SLC28A3: variants seen among roughly 807,000 people sequenced by gnomAD.
The protein encoded by SLC28A3 is solute carrier family 28 member 3, also known as concentrative Na(+)-nucleoside cotransporter 3.
In SLC28A3, 68 loss-of-function variants were observed where a neutral mutation model predicts 84.2. That is an observed-to-expected ratio of 0.81 (90% confidence interval 0.66 to 0.99). The LOEUF (loss-of-function observed/expected upper bound fraction) is 0.99, where lower values mean the gene tolerates loss of function less well. Ranked by LOEUF, SLC28A3 falls within the 50% of genes least tolerant of loss-of-function variation. The pLI is 0.00. For missense variants in SLC28A3, 712 were observed against 841.5 expected, an observed-to-expected ratio of 0.85 and a Z score of 1.90; for synonymous variants, 267 against 303.6, an observed-to-expected ratio of 0.88 and a Z score of 1.25.
chr9:84,294,545 C>T (rs1279823895), intron 8 of SLC28A3, among the ~76,000 whole-genome samples: 1 of 152,182 alleles, frequency 6.6e-6, no homozygotes, highest in East Asian at 1.9e-4. Flanking sequence ...ATACCTAGAT[C>T]AATACACTGA....
rs369978391 is a variant in SLC28A3, at chr9:84,278,840, A to C, written c.1949+425T>G. On this transcript the variant is annotated intron_variant, in intron 17 of 17. Transcript: ENST00000376238. ...CTTGTACTTGTGCTAATTTTGCTGG[A>C]GTAGACATAGCTTCCCTAAGCCTTA... is the stretch of plus-strand genomic sequence containing the variant. Among the ~76,000 whole-genome samples the C allele has an allele frequency of 6.9e-4, 105 of 151,276 alleles. 1 individual carries two copies. The highest frequency in any genetic ancestry group is 2.4e-3 in the African/African-American group (98 of 41,196).
At position 84,302,245 on chromosome 9, in the gene SLC28A3, G is replaced by C. The variant is rs138852988; in HGVS notation, c.479C>G (p.Ser160Cys). 1.1e-5 allele frequency: 17 copies of C among 1,614,136 alleles called. No individual in the cohort carries two copies. Among genetic ancestry groups the C allele is most frequent in the Non-Finnish European group, 1.4e-5 (17 of 1,180,022 alleles). The change falls in exon 5 of 18, where the codon TCT (serine) becomes TGT (cysteine). Residue 160 changes from serine (S) to cysteine (C), a missense_variant. Transcript: ENST00000376238. The part of the protein sequence containing the change: ...KYEHRIDEML[S>C]PGRRLLNSHW... Reference sequence around the variant, plus strand: ...GCTGTTTAGAAGCCTTCTGCCAGGAGACAGCATCTCATCAATTCGATGTTC... The same window carrying C: ...GCTGTTTAGAAGCCTTCTGCCAGGACACAGCATCTCATCAATTCGATGTTC...
chr9:84,302,436 A>C, intron 4 of SLC28A3, 47 bp from the exon 5 acceptor site: 3 of 1,579,740 alleles, frequency 1.9e-6, no homozygotes, highest in Non-Finnish European at 2.6e-6. Context: ...AACCACTGGG[A>C]CACGCCTCCA....
At chr9:84,322,706 A>G (rs1826418067) in intron 1 of SLC28A3, among the ~76,000 whole-genome samples, 1 of 152,090 alleles carries the variant, frequency 6.6e-6, no homozygotes, top group African/African-American at 2.4e-5. Context: ...TTAGCCCAGC[A>G]TGGTGTTGCA....
At position 84,340,656 on chromosome 9, in the gene SLC28A3, T is replaced by G; in HGVS notation, c.-23A>C. On this transcript the variant is annotated 5_prime_UTR_variant, in exon 1 of 18. Transcript: ENST00000376238. ...CATGCTCTTTTTGCTGCTGGCTGGC[T>G]CTGGTCTGGAGGTCCTTTGTACCTG... 1 of 1,614,102 alleles carries G rather than the reference T, an allele frequency of 6.2e-7. No homozygotes were observed. Among genetic ancestry groups the G allele is most frequent in the South Asian group, 1.1e-5 (1 of 91,070 alleles).
At chr9:84,359,166 T>C in the SLC28A3 span, among the ~76,000 whole-genome samples, 2 of 152,174 alleles carry the variant, frequency 1.3e-5, no homozygotes, top group Non-Finnish European at 2.9e-5. Context: ...CTAGGCATTG[T>C]TGCTCCAAGA....
rs188471138 is a variant in SLC28A3 at position 84,332,733 on chromosome 9, A to G, written c.60+7841T>C. 1.0e-3 allele frequency among the ~76,000 whole-genome samples: 154 copies of G among 152,344 alleles called. No homozygotes were observed. The East Asian group carries it at 0.027, about 27-fold the overall frequency. On this transcript the variant is annotated intron_variant, in intron 1 of 17. Transcript: ENST00000376238. ...TAATAAAGAGTTACACTTGTTCGAA[A>G]AAAAAATCTTCATGATTTTGCAGGT...
chr9:84,315,614 A>G (rs1826144313), intron 1 of SLC28A3, among the ~76,000 whole-genome samples: 1 of 152,154 alleles, frequency 6.6e-6, no homozygotes, highest in South Asian at 2.1e-4. Flanking sequence ...ACTGTGTAAT[A>G]GTCTTATTTG....
intron 14 of SLC28A3, among the ~76,000 whole-genome samples, chr9:84,284,639 CAGGG>C (rs1419463195): frequency 6.6e-6 from 1 of 152,168 alleles, no homozygotes; most frequent in Non-Finnish European, 1.5e-5. Context: ...TTCTGTTCTC[CAGGG>C]AAGAAAGTTG....
chr9:84,299,266 G>T (rs1257585686), intron 6 of SLC28A3, among the ~76,000 whole-genome samples: 1 of 152,122 alleles, frequency 6.6e-6, no homozygotes, highest in Non-Finnish European at 1.5e-5. Context: ...TACTGGTCTG[G>T]GGAAATCTGG....
the SLC28A3 span, among the ~76,000 whole-genome samples, chr9:84,354,901 A>G: frequency 6.6e-6 from 1 of 152,122 alleles, no homozygotes; most frequent in African/African-American, 2.4e-5. Context: ...AACTCTGAAA[A>G]AAACCTAAAA....
chr9:84,354,897 G>GA, the SLC28A3 span, among the ~76,000 whole-genome samples: 3 of 151,602 alleles, frequency 2.0e-5, no homozygotes, highest in Non-Finnish European at 4.4e-5. Context: ...AGGAAACTCT[G>GA]AAAAAAACCT....
the SLC28A3 span, among the ~76,000 whole-genome samples, chr9:84,347,039 G>T: frequency 6.6e-6 from 1 of 151,910 alleles, no homozygotes. Flanking sequence ...AGCCGGACGT[G>T]GTAGTGGGCA....
the SLC28A3 span, among the ~76,000 whole-genome samples, chr9:84,351,963 T>C: frequency 1.3e-5 from 2 of 151,692 alleles, no homozygotes; most frequent in African/African-American, 4.8e-5. Context: ...ATGGTGAAAC[T>C]GTAATGAGAG....
chr9:84,344,696 T>C (rs1827222763), upstream of SLC28A3, among the ~76,000 whole-genome samples: 1 of 152,158 alleles, frequency 6.6e-6, no homozygotes, highest in African/African-American at 2.4e-5. Context: ...ATCTTTATCT[T>C]AGCCTGAATA....
chr9:84,346,423 G>A, the SLC28A3 span, among the ~76,000 whole-genome samples: 1 of 152,202 alleles, frequency 6.6e-6, no homozygotes, highest in Non-Finnish European at 1.5e-5. Flanking sequence ...TGTAAAAATT[G>A]TGTAGAATGC....
chr9:84,345,237 C>CAAAAAAA (rs386415324), upstream of SLC28A3, among the ~76,000 whole-genome samples: 14 of 138,776 alleles, frequency 1.0e-4, no homozygotes, highest in Middle Eastern at 3.6e-3. Flanking sequence ...TTACCAAAGG[C>CAAAAAAA]AAAAAAAAAA....
At chr9:84,342,574 G>A (rs77935386), upstream of SLC28A3, among the ~76,000 whole-genome samples, 3 of 130,438 alleles carry the variant, frequency 2.3e-5, no homozygotes, top group African/African-American at 1.2e-4. Context: ...CATCACCCAT[G>A]GCTAAATTTT....
intron 1 of SLC28A3, among the ~76,000 whole-genome samples, chr9:84,327,345 A>G (rs1826600600): frequency 7.3e-6 from 1 of 137,062 alleles, no homozygotes; most frequent in African/African-American, 2.8e-5. Flanking sequence ...TGTCAAAACT[A>G]CTTTTTCAGA....
Sources: allele counts gnomAD v4.1 joint callset (sites outside exome capture counted in the v4.1 genomes callset), GRCh38; gene constraint gnomAD v4.1.1; transcripts MANE v1.5; gene names NCBI Gene and HGNC (gene_info 2026-07-23, HGNC 2026-07-21).